The following MBOAT2 variants were observed in gnomAD, a reference collection of about 807,000 sequenced individuals.
MBOAT2 encodes the protein membrane-bound glycerophospholipid O-acyltransferase 2.
MBOAT2 carries 28 observed loss-of-function variants against 63.4 expected under a neutral mutation model. That is an observed-to-expected ratio of 0.44 (90% CI 0.33 to 0.61). The LOEUF (loss-of-function observed/expected upper bound fraction) is 0.61, where lower values mean the gene tolerates loss of function less well. Ranked by LOEUF, MBOAT2 falls within the 20% of genes least tolerant of loss-of-function variation. The probability of loss-of-function intolerance (pLI) is 0.03; values close to 1 mark genes in which losing one functional copy is unlikely to be tolerated. For missense variants in MBOAT2, 470 were observed against 605.8 expected (o/e 0.78, Z 2.35); for synonymous variants, 211 against 215.6 (o/e 0.98, Z 0.19).
intron 2 of MBOAT2, among the ~76,000 whole-genome samples, chr2:8,957,962 A>C (rs979596147): frequency 1.3e-5 from 2 of 152,224 alleles, no homozygotes; most frequent in Non-Finnish European, 2.9e-5. Context: ...CTAATGAAAG[A>C]AAACACCAAC....
chr2:8,912,413 A>AAGAAAGAC (rs1274023844), intron 3 of MBOAT2, among the ~76,000 whole-genome samples: 34 of 136,822 alleles, frequency 2.5e-4, no homozygotes, highest in South Asian at 7.1e-4. Context: ...GAAAGAAAGA[A>AAGAAAGAC]AGACAGGCCG....
At chr2:9,002,393 G>A (rs956824348) in intron 1 of MBOAT2, among the ~76,000 whole-genome samples, 3 of 152,208 alleles carry the variant, frequency 2.0e-5, no homozygotes, top group African/African-American at 7.2e-5. Context: ...CCAGCTTGCT[G>A]CTATGGAAAG....
intron 8 of MBOAT2, among the ~76,000 whole-genome samples, chr2:8,870,267 G>T (rs1662219267): frequency 6.6e-6 from 1 of 152,142 alleles, no homozygotes; most frequent in Non-Finnish European, 1.5e-5. Context: ...GGGCCACAGG[G>T]CTGTGGAGAT....
chr2:8,971,894 C>T (rs932510844), intron 1 of MBOAT2, among the ~76,000 whole-genome samples: 10 of 152,308 alleles, frequency 6.6e-5, no homozygotes, highest in Admixed American at 2.6e-4. Context: ...AAGAACATTC[C>T]ATGCTCATGG....
Position 8,862,483 on chromosome 2 carries a change from T to G in MBOAT2, c.1185+107A>C, listed in dbSNP as rs2148508497. 1.4e-6 allele frequency: 2 copies of G among 1,433,984 alleles called. No homozygotes were observed. The highest frequency in any genetic ancestry group is 1.9e-6 in the Non-Finnish European group (2 of 1,054,112). 88.8% of individuals were successfully genotyped at this position (1,433,984 alleles called of 1,614,324 possible). A position where few individuals can be genotyped will look rare whatever the true frequency, so the allele number is the denominator to read the frequency against. On this transcript the variant is annotated intron_variant, in intron 11 of 12. Transcript: ENST00000305997. This position sits in a 1 kb window ranked among gnomAD's most constrained non-coding sequence, Gnocchi z 4.3. The stretch of plus-strand genomic sequence containing the variant: ...TCGCTTCTAGTGGAAAGGACAATAC[T>G]GACCACGACCAAGGAAAGAGGGTCT...
chr2:8,967,335 G>A (rs1670065823), intron 1 of MBOAT2, among the ~76,000 whole-genome samples: 1 of 152,126 alleles, frequency 6.6e-6, no homozygotes, highest in Non-Finnish European at 1.5e-5. Context: ...ATTATTAACA[G>A]TAACACTATG....
intron 1 of MBOAT2, among the ~76,000 whole-genome samples, chr2:8,961,838 G>A (rs1181589846): frequency 6.6e-6 from 1 of 152,144 alleles, no homozygotes; most frequent in African/African-American, 2.4e-5. Context: ...CCCATCACCA[G>A]GCTCATGCCA....
chr2:8,947,649 T>C (rs1668513271), intron 2 of MBOAT2, among the ~76,000 whole-genome samples: 1 of 152,228 alleles, frequency 6.6e-6, no homozygotes, highest in Non-Finnish European at 1.5e-5. Flanking sequence ...TGTACTCTGT[T>C]AATGGAAAAA....
At chr2:8,893,104 A>T (rs1572980741) in intron 4 of MBOAT2, among the ~76,000 whole-genome samples, 1 of 25,640 alleles carries the variant, frequency 3.9e-5, no homozygotes, top group East Asian at 1.0e-3. Flanking sequence ...GTGGGGGAGG[A>T]GGCAGGGGAG....
At chr2:8,899,340 G>A (rs1426604602) in intron 4 of MBOAT2, among the ~76,000 whole-genome samples, 1 of 152,238 alleles carries the variant, frequency 6.6e-6, no homozygotes, top group Non-Finnish European at 1.5e-5. Flanking sequence ...TACAACTGAG[G>A]AGGTGGGAGA....
Position 8,995,652 on chromosome 2 carries a change from A to G in MBOAT2, c.75+7888T>C, listed in dbSNP as rs529621523. 4.0e-4 allele frequency among the ~76,000 whole-genome samples: 57 copies of G among 143,944 alleles called. No homozygotes were observed. The South Asian group carries it at 0.011, about 27-fold the overall frequency. The allele number at this position is 143,944 out of a possible 152,430, so 94.4% of individuals were successfully genotyped here. A position where few individuals can be genotyped will look rare whatever the true frequency, so the allele number is the denominator to read the frequency against. ...GTCACCCAGGCTGGAGTGTAGTGGC[A>G]CGATCTTGGCTCACTGCAAGCTCTG... On this transcript the variant is annotated intron_variant, in intron 1 of 12. Coordinates refer to ENST00000305997, the MANE Select transcript of MBOAT2 (RefSeq NM_138799.4).
At chr2:8,942,393 T>C (rs957471410) in intron 3 of MBOAT2, among the ~76,000 whole-genome samples, 1 of 152,220 alleles carries the variant, frequency 6.6e-6, no homozygotes, top group African/African-American at 2.4e-5. Context: ...GCTAATAGAC[T>C]CTGCCCCTGG....
intron 2 of MBOAT2, among the ~76,000 whole-genome samples, chr2:8,947,920 T>G (rs1389608036): frequency 6.6e-6 from 1 of 152,178 alleles, no homozygotes; most frequent in African/African-American, 2.4e-5. Flanking sequence ...AGAAATACAT[T>G]TCGTAGGGCT....
intron 1 of MBOAT2, among the ~76,000 whole-genome samples, chr2:8,982,972 T>C (rs1165077654): frequency 6.6e-6 from 1 of 152,000 alleles, no homozygotes; most frequent in Non-Finnish European, 1.5e-5. Flanking sequence ...TAATAAGTCA[T>C]GGAAAAAAAT....
intron 1 of MBOAT2, among the ~76,000 whole-genome samples, chr2:9,001,057 C>T (rs1672653624): frequency 6.6e-6 from 1 of 152,134 alleles, no homozygotes; most frequent in African/African-American, 2.4e-5. Flanking sequence ...ATTAACATCA[C>T]TGTCTTCCAC....
intron 2 of MBOAT2, among the ~76,000 whole-genome samples, chr2:8,952,357 G>A (rs1668896473): frequency 2.0e-5 from 3 of 152,180 alleles, no homozygotes; most frequent in African/African-American, 7.2e-5. Context: ...TGATCTTGAA[G>A]TACATTCCAT....
At chr2:8,953,615 C>A (rs2103264143) in intron 2 of MBOAT2, among the ~76,000 whole-genome samples, 1 of 152,212 alleles carries the variant, frequency 6.6e-6, no homozygotes, top group African/African-American at 2.4e-5. Context: ...CCCATATTTC[C>A]TGAAGATTTT....
In MBOAT2 at chr2:9,003,503, A is replaced by T. The variant is rs1194926382; in HGVS notation, c.75+37T>A. ...GGCACCGCGGCGGGGAGGGGCGGCG[A>T]GGGCGCGACGCCCGGCGCCAGGGCG... On this transcript the variant is annotated intron_variant, in intron 1 of 12. Transcript: ENST00000305997. This position sits in a 1 kb window ranked among gnomAD's most constrained non-coding sequence, Gnocchi z 5.4. 1.7e-6 allele frequency: 2 copies of T among 1,164,658 alleles called. No individual in the cohort carries two copies. Among genetic ancestry groups the T allele is most frequent in the Non-Finnish European group, 2.1e-6 (2 of 943,376 alleles). 72.1% of individuals were successfully genotyped at this position (1,164,658 alleles called of 1,614,324 possible).
chr2:8,858,361 C>T lies in MBOAT2; in HGVS notation c.*318G>A. On this transcript the variant is annotated 3_prime_UTR_variant, in exon 13 of 13. Transcript: ENST00000305997. ...ATCCAGATTGACACGATTATTTTTC[C>T]ACCTCTTCAGTGCCTTGGGATACGC... The T allele has an allele frequency of 4.4e-6, 1 of 229,868 alleles. No homozygotes were observed. The highest frequency in any genetic ancestry group is 8.4e-6 in the Non-Finnish European group (1 of 118,388). The allele number at this position is 229,868 out of a possible 1,614,324, so 14.2% of individuals were successfully genotyped here. A position where few individuals can be genotyped will look rare whatever the true frequency, so the allele number is the denominator to read the frequency against.
Sources: allele counts gnomAD v4.1 joint callset (sites outside exome capture counted in the v4.1 genomes callset), GRCh38; gene constraint gnomAD v4.1.1; non-coding constraint Gnocchi (gnomAD v3.1); transcripts MANE v1.5; gene names NCBI Gene and HGNC (gene_info 2026-07-23, HGNC 2026-07-21).